IHO1: variants seen among roughly 807,000 people sequenced by gnomAD.
IHO1 encodes interactor of HORMAD1 protein 1.
Under a neutral mutation model 31.0 loss-of-function variants are expected in IHO1, and 13 were observed. The observed-to-expected ratio is 0.42, with a 90% CI of 0.27 to 0.67. IHO1 has a LOEUF of 0.67. Ranked by LOEUF, IHO1 falls within the 30% of genes least tolerant of loss-of-function variation. The pLI, the probability that IHO1 is intolerant of heterozygous loss-of-function variation, is 0.24. For missense variants in IHO1, 599 were observed against 687.5 expected, an observed-to-expected ratio of 0.87 and a Z score of 1.44; for synonymous variants, 221 against 248.4, an observed-to-expected ratio of 0.89 and a Z score of 1.04.
chr3:49,196,667 G>T (rs1381971924), upstream of IHO1, among the ~76,000 whole-genome samples: 1 of 145,826 alleles, frequency 6.9e-6, no homozygotes. Flanking sequence ...TATTTTTATT[G>T]ATTGATTGAT....
chr3:49,229,485 C>T lies in IHO1; in HGVS notation c.57-7063C>T, dbSNP rs550764904. Among the ~76,000 whole-genome samples, 8 of 152,210 alleles carry T rather than the reference C, an allele frequency of 5.3e-5. No individual in the cohort carries two copies. The East Asian group carries it at 5.8e-4, about 11-fold the overall frequency. On this transcript the variant is annotated intron_variant, in intron 2 of 7. Coordinates refer to ENST00000452691, the MANE Select transcript of IHO1 (RefSeq NM_001135197.2). ...TCCCTGGAAAGCAGAGCCAGGAGAG[C>T]GCATAGCACAACTTCTGATTGTGCC...
intron 3 of IHO1, 133 bp downstream of exon 3, chr3:49,236,855 G>A: frequency 1.3e-6 from 1 of 782,792 alleles, no homozygotes; most frequent in Non-Finnish European, 2.0e-6. Context: ...GCTGAGGCAA[G>A]TGGATCCCTT....
chr3:49,255,462 C>T lies in IHO1; in HGVS notation c.605C>T (p.Ala202Val). 1 of 1,604,040 alleles carries T rather than the reference C, an allele frequency of 6.2e-7. No homozygotes were observed. Among genetic ancestry groups the T allele is most frequent in the Non-Finnish European group, 8.5e-7 (1 of 1,177,222 alleles). ...AVQDKGNMEQ[A>V]ILEMKKRFEA... ...CAGGACAAAGGCAACATGGAGCAGG[C>T]CATCCTTGAGATGAAGAAAAGATTT... is the stretch of plus-strand genomic sequence containing the variant. Residue 202 changes from alanine (A) to valine (V), a missense_variant, in exon 7 of 8, where the codon GCC becomes GTC. Coordinates refer to ENST00000452691, the MANE Select transcript of IHO1 (RefSeq NM_001135197.2).
intron 2 of IHO1, among the ~76,000 whole-genome samples, chr3:49,219,238 C>T (rs1245450329): frequency 3.9e-5 from 6 of 152,160 alleles, no homozygotes; most frequent in African/African-American, 7.2e-5. Flanking sequence ...ATGGCCTTGA[C>T]GCCCACGCTG....
chr3:49,211,042 C>CT (rs2046206348), intron 1 of IHO1, among the ~76,000 whole-genome samples: 1 of 130,572 alleles, frequency 7.7e-6, no homozygotes, highest in Admixed American at 8.6e-5. Flanking sequence ...GGGTCTCGCT[C>CT]TGTCGCCCAG....
intron 2 of IHO1, among the ~76,000 whole-genome samples, chr3:49,225,899 C>G (rs910181648): frequency 2.6e-5 from 4 of 152,076 alleles, no homozygotes; most frequent in Non-Finnish European, 4.4e-5. Flanking sequence ...AGGGTGATGA[C>G]ATGAGCTGGC....
intron 6 of IHO1, among the ~76,000 whole-genome samples, chr3:49,247,246 T>C (rs2046706001): frequency 6.6e-6 from 1 of 151,772 alleles, no homozygotes; most frequent in Non-Finnish European, 1.5e-5. Context: ...TTTTGTTTTT[T>C]TGAGATGGAG....
At chr3:49,242,143 A>G (rs2046639659) in intron 4 of IHO1, among the ~76,000 whole-genome samples, 1 of 152,062 alleles carries the variant, frequency 6.6e-6, no homozygotes, top group Non-Finnish European at 1.5e-5. Flanking sequence ...GGGGTTCGCC[A>G]TGTTGGCCAG....
chr3:49,240,108 C>T (rs530846661), intron 3 of IHO1, among the ~76,000 whole-genome samples: 12 of 152,188 alleles, frequency 7.9e-5, no homozygotes, highest in Non-Finnish European at 1.3e-4. Context: ...TGCAGTGGCA[C>T]GATCTTGGCT....
chr3:49,206,447 C>G (rs2046138816), intron 1 of IHO1, among the ~76,000 whole-genome samples: 2 of 151,392 alleles, frequency 1.3e-5, no homozygotes, highest in African/African-American at 4.9e-5. Context: ...CCAGGCTGGT[C>G]TCGAACTCCT....
rs1342307649 is a variant in IHO1 at position 49,240,098 on chromosome 3, T to G, written c.232-1128T>G. ...TCGCACTCTGTCACCCGGGCTAGAG[T>G]GCAGTGGCACGATCTTGGCTCACTG... On this transcript the variant is annotated intron_variant, in intron 3 of 7. Coordinates refer to ENST00000452691, the MANE Select transcript of IHO1 (RefSeq NM_001135197.2). 2.0e-5 allele frequency among the ~76,000 whole-genome samples: 3 copies of G among 152,210 alleles called. No individual in the cohort carries two copies. In the East Asian group the frequency reaches 5.8e-4, roughly 29 times the overall value.
chr3:49,202,916 G>A (rs1177502861), intron 1 of IHO1, among the ~76,000 whole-genome samples: 6 of 134,912 alleles, frequency 4.4e-5, no homozygotes, highest in Admixed American at 8.5e-5. Flanking sequence ...ACTGCGGACC[G>A]CAGTGGCGCA....
intron 3 of IHO1, 111 bp from the exon 4 acceptor site, chr3:49,241,110 TGTTAC>T (rs1158148670): frequency 1.6e-6 from 1 of 614,000 alleles, no homozygotes; most frequent in African/African-American, 1.9e-5. Context: ...CTACTTGCTA[TGTTAC>T]GTTACAGCAA....
the IHO1 span, among the ~76,000 whole-genome samples, chr3:49,192,969 C>G: frequency 2.0e-5 from 3 of 151,970 alleles, no homozygotes; most frequent in African/African-American, 7.3e-5. Context: ...TGTAAGCAAC[C>G]CAAGTGTTGA....
chr3:49,239,672 T>C (rs1291232845), intron 3 of IHO1, among the ~76,000 whole-genome samples: 1 of 151,434 alleles, frequency 6.6e-6, no homozygotes, highest in Non-Finnish European at 1.5e-5. Flanking sequence ...GATTTTTTTT[T>C]TTTTTTTGAG....
intron 2 of IHO1, among the ~76,000 whole-genome samples, chr3:49,232,347 C>G (rs1263437621): frequency 6.6e-6 from 1 of 152,198 alleles, no homozygotes; most frequent in Non-Finnish European, 1.5e-5. Flanking sequence ...ATTTTTGGAG[C>G]CTGCCTAAAG....
chr3:49,197,999 C>G (rs1289606301), upstream of IHO1, among the ~76,000 whole-genome samples: 1 of 152,156 alleles, frequency 6.6e-6, no homozygotes, highest in Admixed American at 6.6e-5. Context: ...CACACCTCTG[C>G]TTTCTGTCAC....
intron 1 of IHO1, among the ~76,000 whole-genome samples, chr3:49,201,336 G>A (rs1340848155): frequency 6.6e-6 from 1 of 151,772 alleles, no homozygotes; most frequent in East Asian, 2.0e-4. Context: ...GGCTGTGCGC[G>A]GTGGCTCATG....
intron 6 of IHO1, 172 bp downstream of exon 6, chr3:49,244,905 G>C (rs759551211): frequency 8.8e-6 from 6 of 684,064 alleles, no homozygotes; most frequent in Non-Finnish European, 1.6e-5. Flanking sequence ...GCTGGGTAGT[G>C]AGGCCCACCT....
Sources: gnomAD v4.1 joint callset for allele counts (sites outside exome capture counted in the v4.1 genomes callset) on GRCh38, gnomAD v4.1.1 for gene constraint, MANE v1.5 for transcripts, NCBI Gene and HGNC (gene_info 2026-07-23, HGNC 2026-07-21) for gene names.